The following TMEM67 variants were observed in gnomAD, a reference collection of about 807,000 sequenced individuals.
TMEM67 encodes the protein transmembrane protein 67.
A neutral mutation model predicts 136.6 loss-of-function variants in TMEM67; 124 were observed. That is an observed-to-expected ratio of 0.91 (90% confidence interval 0.78 to 1.05). TMEM67 has a LOEUF of 1.05. TMEM67 is among the 50% of genes least tolerant of loss of function. TMEM67 has a pLI of 0.00. For missense variants in TMEM67, 1,107 were observed against 1,178.4 expected (o/e 0.94, Z 0.89); for synonymous variants, 364 against 390.5 (o/e 0.93, Z 0.80).
intron 6 of TMEM67, among the ~76,000 whole-genome samples, chr8:93,769,300 A>G (rs913902005): frequency 1.3e-5 from 2 of 152,250 alleles, no homozygotes; most frequent in African/African-American, 4.8e-5. Flanking sequence ...TGCCGATGCC[A>G]TGAGGCAGAG....
intron 18 of TMEM67, 149 bp from the exon 19 acceptor site, chr8:93,796,985 C>T: frequency 4.6e-6 from 3 of 647,168 alleles, no homozygotes; most frequent in Non-Finnish European, 8.3e-6. Context: ...TCTAATGATT[C>T]CTTAGTGGTA....
intron 20 of TMEM67, among the ~76,000 whole-genome samples, chr8:93,798,237 G>A (rs1055080057): frequency 2.0e-5 from 3 of 152,020 alleles, no homozygotes; most frequent in Admixed American, 6.6e-5. Flanking sequence ...AGAATCCCTT[G>A]GGGATCTTTT....
chr8:93,769,731 TTAAAG>T (rs1813250519), intron 6 of TMEM67: 1 of 164,596 alleles, frequency 6.1e-6, no homozygotes, highest in Admixed American at 6.5e-5. Context: ...AAGGGCTTGT[TTAAAG>T]TAATTAAACT....
At chr8:93,773,069 T>TG (rs1294864418) in intron 7 of TMEM67, among the ~76,000 whole-genome samples, 1 of 151,536 alleles carries the variant, frequency 6.6e-6, no homozygotes, top group Admixed American at 6.6e-5. Flanking sequence ...ATAGATGGGG[T>TG]GGGGGGTGCT....
intron 6 of TMEM67, among the ~76,000 whole-genome samples, chr8:93,771,661 G>A (rs1479705191): frequency 1.3e-5 from 2 of 152,130 alleles, no homozygotes; most frequent in African/African-American, 4.8e-5. Context: ...TAGAGTATAT[G>A]GATATTGCTT....
intron 3 of TMEM67, among the ~76,000 whole-genome samples, chr8:93,763,218 C>T (rs1812930088): frequency 6.6e-6 from 1 of 152,218 alleles, no homozygotes; most frequent in South Asian, 2.1e-4. Flanking sequence ...GCATAAGCCT[C>T]CTCACCTGGC....
intron 2 of TMEM67, chr8:93,756,699 A>G (rs185408893): frequency 2.2e-4 from 33 of 152,290 alleles, no homozygotes; most frequent in East Asian, 1.3e-3. Context: ...TGAATTACCC[A>G]TGATAAAAAG....
intron 7 of TMEM67, among the ~76,000 whole-genome samples, chr8:93,778,420 C>G (rs1366381988): frequency 5.9e-5 from 9 of 152,022 alleles, no homozygotes; most frequent in Non-Finnish European, 1.2e-4. Flanking sequence ...GTCATTTTGC[C>G]CATTAGTTGA....
chr8:93,797,517 A>C (rs749115905), intron 20 of TMEM67, 47 bp downstream of exon 20: 1 of 1,558,406 alleles, frequency 6.4e-7, no homozygotes, highest in Admixed American at 1.7e-5. Flanking sequence ...TGTACCTTAT[A>C]AATATTAAAC....
intron 23 of TMEM67, 92 bp from the exon 24 acceptor site, chr8:93,808,748 T>G: frequency 1.3e-6 from 1 of 777,510 alleles, no homozygotes; most frequent in East Asian, 2.5e-5. Flanking sequence ...TTGTAATATG[T>G]GATAACAGCT....
chr8:93,795,411 A>C lies in TMEM67; in HGVS notation c.1677A>C (p.Thr559=). 1 of 1,613,698 alleles carries C rather than the reference A, an allele frequency of 6.2e-7. No homozygotes were observed. The highest frequency in any genetic ancestry group is 8.5e-7 in the Non-Finnish European group (1 of 1,179,638). Residue 559 remains threonine, a splice_region_variant and synonymous_variant, in exon 17 of 28, where the codon ACA becomes ACC. Transcript: ENST00000453321. ...TAATTCTTTTTTTTAAATTGCAGAC[A>C]GTTGTGAAATTCTTGGTGTACTATG... ...RIGSPMIDLQ[T]VVKFLVYYAG...
At chr8:93,790,282 T>C (rs1239872758) in intron 14 of TMEM67, among the ~76,000 whole-genome samples, 1 of 152,222 alleles carries the variant, frequency 6.6e-6, no homozygotes, top group Non-Finnish European at 1.5e-5. Flanking sequence ...TAAGATTTCC[T>C]CTTTAATATT....
intron 6 of TMEM67, 42 bp from the exon 7 acceptor site, chr8:93,772,547 G>T: frequency 7.0e-7 from 1 of 1,438,192 alleles, no homozygotes; most frequent in Non-Finnish European, 9.8e-7. Context: ...GCATATTGGA[G>T]TCATTTGAAC....
At chr8:93,757,789 G>C (rs1422644872) in intron 2 of TMEM67, among the ~76,000 whole-genome samples, 1 of 148,774 alleles carries the variant, frequency 6.7e-6, no homozygotes, top group Non-Finnish European at 1.5e-5. Context: ...TTGAAAGAGA[G>C]TATTACTGTT....
chr8:93,810,089 T>C (rs1032203384), intron 26 of TMEM67: 45 of 389,142 alleles, frequency 1.2e-4, no homozygotes, highest in Non-Finnish European at 1.9e-4. Flanking sequence ...TTGCCTCAGC[T>C]TCCCAAGTAG....
chr8:93,780,997 T>TG lies in TMEM67; in HGVS notation c.978+15_978+16insG. ...GAGAAAACCAGGTAAAAGTGTCTAA[T>TG]ATCATTAGAGGATAACTACATTTTG... On this transcript the variant is annotated intron_variant, in intron 9 of 27. Transcript: ENST00000453321. The TG allele has an allele frequency of 1.3e-5, 18 of 1,411,668 alleles. No individual in the cohort carries two copies. Among genetic ancestry groups the TG allele is most frequent in the Non-Finnish European group, 1.7e-5 (17 of 997,162 alleles). 87.4% of individuals were successfully genotyped at this position (1,411,668 alleles called of 1,614,324 possible). A position where few individuals can be genotyped will look rare whatever the true frequency, so the allele number is the denominator to read the frequency against.
chr8:93,782,048 G>C (rs945709360), intron 10 of TMEM67, among the ~76,000 whole-genome samples: 1 of 152,078 alleles, frequency 6.6e-6, no homozygotes, highest in African/African-American at 2.4e-5. Context: ...CTGGGAGCTG[G>C]AACTACAGGC....
intron 13 of TMEM67, 122 bp downstream of exon 13, chr8:93,786,468 G>T: frequency 8.9e-7 from 1 of 1,126,834 alleles, no homozygotes; most frequent in South Asian, 1.3e-5. Flanking sequence ...GTTATTTTAG[G>T]TGTATGTGTA....
At chr8:93,782,236 T>C (rs1195930552) in intron 10 of TMEM67, among the ~76,000 whole-genome samples, 159 bp from the exon 11 acceptor site, 5 of 152,166 alleles carry the variant, frequency 3.3e-5, no homozygotes, top group Admixed American at 6.5e-5. Context: ...TTTAAAGTTA[T>C]GACTTTCATT....
Sources: gnomAD v4.1 joint callset for allele counts (sites outside exome capture counted in the v4.1 genomes callset) on GRCh38, gnomAD v4.1.1 for gene constraint, MANE v1.5 for transcripts, NCBI Gene and HGNC (gene_info 2026-07-23, HGNC 2026-07-21) for gene names.